The following SLC45A4 variants were observed in gnomAD, a reference collection of about 807,000 sequenced individuals.
SLC45A4 encodes the protein polyamine-transporter SLC45A4.
In SLC45A4, 32 loss-of-function variants were observed where a neutral mutation model predicts 63.7. The ratio of observed to expected loss-of-function variants is 0.50; its 90% CI spans 0.38 to 0.67. The LOEUF (loss-of-function observed/expected upper bound fraction) is 0.67, where lower values mean the gene tolerates loss of function less well. Ranked by LOEUF, SLC45A4 falls within the 30% of genes least tolerant of loss-of-function variation. The pLI is 0.00. For missense variants in SLC45A4, 1,027 were observed against 1,157.7 expected (o/e 0.89, Z 1.64); for synonymous variants, 535 against 510.0 (o/e 1.05, Z -0.66).
At chr8:141,261,546 T>C (rs1441469040) in intron 1 of SLC45A4, among the ~76,000 whole-genome samples, 2 of 152,170 alleles carry the variant, frequency 1.3e-5, no homozygotes, top group African/African-American at 4.8e-5. Context: ...AAAATCAATG[T>C]AGAAAAATCA....
chr8:141,294,989 G>A (rs1347730927), intron 1 of SLC45A4, among the ~76,000 whole-genome samples: 1 of 152,262 alleles, frequency 6.6e-6, no homozygotes, highest in African/African-American at 2.4e-5. Flanking sequence ...AGTGGGGGCA[G>A]CAGGTTCCCC....
chr8:141,250,363 GT>G, intron 2 of SLC45A4, among the ~76,000 whole-genome samples: 1 of 150,068 alleles, frequency 6.7e-6, no homozygotes, highest in South Asian at 2.1e-4. Context: ...TAGGCTCTGT[GT>G]TACATGATTT....
chr8:141,222,824 T>TGGCAGGG (rs899969587), intron 2 of SLC45A4, among the ~76,000 whole-genome samples: 6 of 152,180 alleles, frequency 3.9e-5, no homozygotes, highest in Admixed American at 1.3e-4. Context: ...CGGTTGCCCT[T>TGGCAGGG]GGCAGGGGGC....
At chr8:141,285,126 A>G (rs1356891195) in intron 1 of SLC45A4, among the ~76,000 whole-genome samples, 4 of 152,192 alleles carry the variant, frequency 2.6e-5, no homozygotes, top group African/African-American at 9.7e-5. Context: ...CCAGCGGCCC[A>G]GCGGGATCCA....
At chr8:141,237,781 C>T (rs1827706442) in intron 2 of SLC45A4, among the ~76,000 whole-genome samples, 1 of 152,146 alleles carries the variant, frequency 6.6e-6, no homozygotes, top group African/African-American at 2.4e-5. Flanking sequence ...GTCACGTGCT[C>T]GTATCTCCAA....
At chr8:141,262,728 G>A (rs1395569763) in intron 1 of SLC45A4, among the ~76,000 whole-genome samples, 2 of 152,138 alleles carry the variant, frequency 1.3e-5, no homozygotes, top group Non-Finnish European at 2.9e-5. Flanking sequence ...GTACTGGAGA[G>A]GATGTGGAGA....
chr8:141,285,577 C>T (rs1477615736), intron 1 of SLC45A4, among the ~76,000 whole-genome samples: 1 of 152,222 alleles, frequency 6.6e-6, no homozygotes, highest in East Asian at 1.9e-4. Context: ...CCTGTGAGGT[C>T]TGCACTCCAC....
chr8:141,256,571 G>A lies in SLC45A4; in HGVS notation c.-400-1942C>T, dbSNP rs780837721. On this transcript the variant is annotated intron_variant, in intron 1 of 8. Coordinates refer to ENST00000517878, the MANE Select transcript of SLC45A4 (RefSeq NM_001286646.2). The surrounding 1 kb of genome is among the most constrained non-coding windows in gnomAD (Gnocchi z 4.3). ...TCCGCTGTACAGGAGGTTCTGGAAG[G>A]AAGCCGTGCGCCTGGCTCTTACGTC... The A allele has an allele frequency of 4.4e-6, 2 of 456,292 alleles. No individual in the cohort carries two copies. Among genetic ancestry groups the A allele is most frequent in the South Asian group, 3.1e-5 (2 of 64,566 alleles). The allele number at this position is 456,292 out of a possible 1,614,324, so 28.3% of individuals were successfully genotyped here.
Position 141,218,696 on chromosome 8 carries a change from T to G in SLC45A4, c.944A>C (p.Asp315Ala). The G allele has an allele frequency of 6.2e-7, 1 of 1,612,700 alleles. No homozygotes were observed. The highest frequency in any genetic ancestry group is 1.1e-5 in the South Asian group (1 of 91,054). ...CTCGGGCTCCAGGTCCAGCGCGGTG[T>G]CCGGCACGTGCAATGCCGAGTCGCT... is the stretch of plus-strand genomic sequence containing the variant. ...SKSDSALHVP[D>A]TALDLEPELL... Residue 315 changes from aspartate to alanine, a missense_variant, in exon 5 of 9, where the codon GAC (aspartate) becomes GCC (alanine). By Grantham distance (126) the Asp-to-Ala change is moderately radical. Coordinates refer to ENST00000517878, the MANE Select transcript of SLC45A4 (RefSeq NM_001286646.2).
chr8:141,295,911 C>T (rs929928901), intron 1 of SLC45A4, among the ~76,000 whole-genome samples: 1 of 152,202 alleles, frequency 6.6e-6, no homozygotes, highest in Non-Finnish European at 1.5e-5. Context: ...GAGCCCTTGC[C>T]CCTCTGGCAC....
At chr8:141,291,558 T>A (rs1381651863) in intron 1 of SLC45A4, among the ~76,000 whole-genome samples, 2 of 152,258 alleles carry the variant, frequency 1.3e-5, no homozygotes, top group Admixed American at 1.3e-4. Context: ...ACAGAGCTAT[T>A]TTCTGAAGCT....
intron 2 of SLC45A4, among the ~76,000 whole-genome samples, chr8:141,251,323 T>C (rs985858607): frequency 1.2e-4 from 18 of 152,030 alleles, no homozygotes; most frequent in African/African-American, 4.1e-4. Flanking sequence ...AGGTCTCCCC[T>C]CCCTCAGCCT....
Position 141,212,486 on chromosome 8 carries a change from A to G in SLC45A4, c.2012T>C (p.Val671Ala). 1.2e-6 allele frequency: 2 copies of G among 1,613,914 alleles called. No homozygotes were observed. The highest frequency in any genetic ancestry group is 1.7e-6 in the Non-Finnish European group (2 of 1,180,026). The change falls in exon 8 of 9, where the codon GTG becomes GCG. Residue 671 changes from valine to alanine, a missense_variant. Transcript: ENST00000517878. ...GGCCACCAGGATCTGCGAGATGTAC[A>G]CTTGGCAGGACAGGATGGCACAATC... is the stretch of plus-strand genomic sequence containing the variant. ...GIDCAILSCQ[V>A]YISQILVASA... is the part of the protein sequence containing the mutation.
At chr8:141,292,790 TGAAG>T in intron 1 of SLC45A4, 1 of 152,246 alleles carries the variant, frequency 6.6e-6, no homozygotes, top group Non-Finnish European at 1.5e-5. Context: ...CATGGGTCAC[TGAAG>T]GTGTCAGCGA....
intron 2 of SLC45A4, among the ~76,000 whole-genome samples, chr8:141,244,967 G>C (rs907279880): frequency 8.2e-6 from 1 of 121,794 alleles, no homozygotes; most frequent in South Asian, 3.8e-4. Context: ...TGGGGGGGGG[G>C]GGCGGTGTGG....
intron 2 of SLC45A4, among the ~76,000 whole-genome samples, chr8:141,234,350 G>A (rs1237358317): frequency 6.6e-6 from 1 of 152,240 alleles, no homozygotes; most frequent in Admixed American, 6.5e-5. Context: ...CGTGGGCCTA[G>A]CTTGGGCTCT....
At chr8:141,231,018 G>A (rs1023865083) in intron 2 of SLC45A4, among the ~76,000 whole-genome samples, 1 of 152,224 alleles carries the variant, frequency 6.6e-6, no homozygotes, top group Non-Finnish European at 1.5e-5. Flanking sequence ...ACCCCGCCCG[G>A]CCTCTCTCTT....
At chr8:141,304,025 G>A (rs1459800665) in intron 1 of SLC45A4, among the ~76,000 whole-genome samples, 2 of 152,152 alleles carry the variant, frequency 1.3e-5, no homozygotes, top group East Asian at 1.9e-4. Flanking sequence ...CGCGGCTCCC[G>A]ACAGACTCTG....
intron 5 of SLC45A4, 144 bp from the exon 6 acceptor site, chr8:141,217,333 C>T (rs1342872931): frequency 3.4e-5 from 27 of 793,664 alleles, no homozygotes; most frequent in Non-Finnish European, 5.1e-5. Flanking sequence ...GAGCCCAGCC[C>T]AAGTCGGTTG....
Sources: gnomAD v4.1 joint callset for allele counts (sites outside exome capture counted in the v4.1 genomes callset) on GRCh38, gnomAD v4.1.1 for gene constraint, Gnocchi (gnomAD v3.1) non-coding constraint, MANE v1.5 for transcripts, NCBI Gene and HGNC (gene_info 2026-07-23, HGNC 2026-07-21) for gene names.